Variants in ANO2 observed in about 807,000 individuals in gnomAD.
The protein encoded by ANO2 is anoctamin-2.
A neutral mutation model predicts 124.2 loss-of-function variants in ANO2; 101 were observed. That is an observed-to-expected ratio of 0.81 (90% CI 0.69 to 0.96). ANO2 has a LOEUF of 0.96. Among genes scored for constraint, ANO2 ranks in the 40% least tolerant of loss-of-function variants. ANO2 has a pLI of 0.00. For missense variants in ANO2, 1,293 were observed against 1,274.5 expected (o/e 1.01, Z -0.22); for synonymous variants, 486 against 482.5 (o/e 1.01, Z -0.09).
At chr12:5,940,777 A>C (rs1248531179) in intron 1 of ANO2, among the ~76,000 whole-genome samples, 3 of 152,208 alleles carry the variant, frequency 2.0e-5, no homozygotes, top group Non-Finnish European at 4.4e-5. Context: ...GAACTAAAAA[A>C]CATGTACACA....
At chr12:5,944,313 C>T (rs1220815658) in intron 1 of ANO2, among the ~76,000 whole-genome samples, 1 of 152,206 alleles carries the variant, frequency 6.6e-6, no homozygotes, top group African/African-American at 2.4e-5. Context: ...TGGGCTGAGA[C>T]CCGACCTTGC....
chr12:5,649,852 G>C lies in ANO2; in HGVS notation c.1546-2051C>G, dbSNP rs149299248. Reference sequence around the variant, plus strand: ...GTAAAGACGGGATTTCACCATATTAGCCAGGATGGTCTCGATCTCCTGACC... The same window carrying C: ...GTAAAGACGGGATTTCACCATATTACCCAGGATGGTCTCGATCTCCTGACC... On this transcript the variant is annotated intron_variant, in intron 14 of 24. Coordinates refer to ENST00000682330, the MANE Select transcript of ANO2 (RefSeq NM_001364791.2). Among the ~76,000 whole-genome samples the C allele has an allele frequency of 1.6e-3, 251 of 152,148 alleles. 4 individuals carry two copies. The highest frequency in any genetic ancestry group is 5.9e-3 in the African/African-American group (245 of 41,506).
rs539448399 is a variant in ANO2 at position 5,636,060 on chromosome 12, T to C, written c.1621-713A>G. 3.9e-5 allele frequency among the ~76,000 whole-genome samples: 6 copies of C among 152,288 alleles called. No homozygotes were observed. In the South Asian group the frequency reaches 6.2e-4, roughly 16 times the overall value. On this transcript the variant is annotated intron_variant, in intron 15 of 24. Transcript: ENST00000682330. The surrounding 1 kb of genome is among the most constrained non-coding windows in gnomAD (Gnocchi z 4.6). The stretch of plus-strand genomic sequence containing the variant: ...AAATATCACTGTAAGATTTCTCTAC[T>C]AGGTGACTTGAAATGGAGGACTCAG...
intron 3 of ANO2, among the ~76,000 whole-genome samples, chr12:5,918,826 T>C (rs941696190): frequency 2.0e-5 from 3 of 152,226 alleles, no homozygotes; most frequent in African/African-American, 7.2e-5. Context: ...GATGAGCATT[T>C]ATTGAGCACC....
chr12:5,578,274 C>A (rs1591655684), intron 21 of ANO2, 92 bp downstream of exon 21: 1 of 1,509,434 alleles, frequency 6.6e-7, no homozygotes, highest in East Asian at 2.3e-5. Flanking sequence ...GCTTTCCCAG[C>A]CCTCTTGATT....
At chr12:5,806,263 C>G (rs1450258159) in intron 8 of ANO2, among the ~76,000 whole-genome samples, 170 bp from the exon 9 acceptor site, 2 of 152,128 alleles carry the variant, frequency 1.3e-5, no homozygotes, top group African/African-American at 4.8e-5. Flanking sequence ...ATTTTCTGAG[C>G]CATCAACACT....
At chr12:5,816,774 CCT>C (rs58124152) in intron 7 of ANO2, among the ~76,000 whole-genome samples, 1 of 152,238 alleles carries the variant, frequency 6.6e-6, no homozygotes, top group East Asian at 1.9e-4. Context: ...TGCCTCCTCC[CCT>C]GTGTCCCAAC....
chr12:5,894,453 G>C (rs576023326), intron 3 of ANO2, among the ~76,000 whole-genome samples: 1 of 152,302 alleles, frequency 6.6e-6, no homozygotes, highest in African/African-American at 2.4e-5. Context: ...TGTTCACTCT[G>C]ATGATAGTTT....
intron 7 of ANO2, 50 bp from the exon 8 acceptor site, chr12:5,807,418 CAACTT>C: frequency 1.4e-6 from 2 of 1,480,000 alleles, no homozygotes; most frequent in South Asian, 1.3e-5. Context: ...AAGCGTTTCT[CAACTT>C]AACCCCTGTT....
At position 5,864,641 on chromosome 12, in the gene ANO2, G is replaced by A. The variant is rs561282657; in HGVS notation, c.535-10500C>T. ...GAAGGCAAGAGAGCAATGGGCAAAGGGGTGCCCTAGCTGGTCATTAGTAAA... is the reference window on the plus strand; with the variant it reads ...GAAGGCAAGAGAGCAATGGGCAAAGAGGTGCCCTAGCTGGTCATTAGTAAA... On this transcript the variant is annotated intron_variant, in intron 3 of 24. Transcript: ENST00000682330. 1.1e-4 allele frequency among the ~76,000 whole-genome samples: 17 copies of A among 152,312 alleles called. No homozygotes were observed. The East Asian group carries it at 2.3e-3, about 21-fold the overall frequency.
chr12:5,921,530 T>G (rs1394674236), intron 2 of ANO2, among the ~76,000 whole-genome samples, 164 bp from the exon 3 acceptor site: 5 of 152,142 alleles, frequency 3.3e-5, no homozygotes, highest in African/African-American at 1.2e-4. Flanking sequence ...TGGCCTAAGT[T>G]AATCTGTCAT....
At position 5,923,163 on chromosome 12, in the gene ANO2, TACACAC is replaced by T. The variant is rs60529043; in HGVS notation, c.23-365_23-360del. 1.9e-4 allele frequency among the ~76,000 whole-genome samples: 3 copies of T among 16,142 alleles called. No individual in the cohort carries two copies. The South Asian group carries it at 9.1e-3, about 49-fold the overall frequency. The allele number at this position is 16,142 out of a possible 152,430, so 10.6% of individuals were successfully genotyped here. On this transcript the variant is annotated intron_variant, in intron 1 of 24. Transcript: ENST00000682330. ...ACACATGCACACATACACACACGCATACACACACACGCACACACACATACACACACA... is the reference window on the plus strand; with the variant it reads ...ACACATGCACACATACACACACGCATACACGCACACACACATACACACACA...
chr12:5,693,511 C>T (rs1949031661), intron 14 of ANO2, among the ~76,000 whole-genome samples: 2 of 152,160 alleles, frequency 1.3e-5, no homozygotes, highest in Non-Finnish European at 2.9e-5. Context: ...CTGTCCCCGC[C>T]CCCACGGTCT....
At chr12:5,777,617 C>T (rs1952269868) in intron 10 of ANO2, among the ~76,000 whole-genome samples, 1 of 152,174 alleles carries the variant, frequency 6.6e-6, no homozygotes, top group Admixed American at 6.5e-5. Flanking sequence ...TCCACCTCCC[C>T]ACCCCCATCT....
intron 7 of ANO2, among the ~76,000 whole-genome samples, chr12:5,824,283 A>G (rs907105716): frequency 2.6e-5 from 4 of 152,204 alleles, no homozygotes; most frequent in Non-Finnish European, 4.4e-5. Flanking sequence ...AATTTTCCAA[A>G]CTTTTATGTT....
chr12:5,688,218 C>G (rs1044411031), intron 14 of ANO2, among the ~76,000 whole-genome samples: 1 of 152,156 alleles, frequency 6.6e-6, no homozygotes, highest in African/African-American at 2.4e-5. Context: ...TGAGCTCACC[C>G]ATTCTCTTGG....
At chr12:5,827,886 C>T (rs2137211126) in intron 6 of ANO2, 66 bp from the exon 7 acceptor site, 1 of 1,544,476 alleles carries the variant, frequency 6.5e-7, no homozygotes, top group African/African-American at 1.4e-5. Context: ...GTGTGTCACC[C>T]TCACCACTGC....
At chr12:5,881,830 C>T (rs923364071) in intron 3 of ANO2, 1 of 152,212 alleles carries the variant, frequency 6.6e-6, no homozygotes, top group African/African-American at 2.4e-5. Flanking sequence ...GTCTGGAACA[C>T]TTTTTGGTCC....
chr12:5,633,060 G>A (rs927465923), intron 16 of ANO2, among the ~76,000 whole-genome samples: 3 of 152,172 alleles, frequency 2.0e-5, no homozygotes, highest in Non-Finnish European at 4.4e-5. Flanking sequence ...TCTACTCCTG[G>A]TGTTTCCTCC....
Sources: allele counts gnomAD v4.1 joint callset (sites outside exome capture counted in the v4.1 genomes callset), GRCh38; gene constraint gnomAD v4.1.1; non-coding constraint Gnocchi (gnomAD v3.1); transcripts MANE v1.5; gene names NCBI Gene and HGNC (gene_info 2026-07-23, HGNC 2026-07-21).